The following NPAS3 variants were observed in gnomAD, a reference collection of about 807,000 sequenced individuals.
The protein encoded by NPAS3 is neuronal PAS domain-containing protein 3.
Under a neutral mutation model 73.1 loss-of-function variants are expected in NPAS3, and 14 were observed. The observed-to-expected ratio is 0.19, with a 90% CI of 0.13 to 0.30. The LOEUF (loss-of-function observed/expected upper bound fraction) is 0.30, where lower values mean the gene tolerates loss of function less well. Among genes scored for constraint, NPAS3 ranks in the 10% least tolerant of loss-of-function variants. The pLI is 1.00. For missense variants in NPAS3, 1,096 were observed against 1,250.0 expected, an observed-to-expected ratio of 0.88 and a Z score of 1.86; for synonymous variants, 620 against 541.5, an observed-to-expected ratio of 1.14 and a Z score of -2.01.
chr14:33,747,562 T>G (rs544131554), intron 7 of NPAS3, among the ~76,000 whole-genome samples: 2 of 152,190 alleles, frequency 1.3e-5, no homozygotes, highest in Non-Finnish European at 2.9e-5. Context: ...AAAAGAATCA[T>G]CTGTGTAATC....
At chr14:33,185,572 A>G (rs1414755255) in intron 2 of NPAS3, among the ~76,000 whole-genome samples, 2 of 152,078 alleles carry the variant, frequency 1.3e-5, no homozygotes, top group African/African-American at 2.4e-5. Flanking sequence ...GGTGGTAAGG[A>G]TTCTTGTTAT....
intron 4 of NPAS3, among the ~76,000 whole-genome samples, chr14:33,440,859 A>G (rs543525520): frequency 6.6e-6 from 1 of 151,818 alleles, no homozygotes; most frequent in Admixed American, 6.6e-5. Flanking sequence ...GCGCCACTGC[A>G]CTCCAACCTA....
At chr14:33,739,278 C>G (rs995537604) in intron 7 of NPAS3, among the ~76,000 whole-genome samples, 4 of 152,102 alleles carry the variant, frequency 2.6e-5, no homozygotes, top group African/African-American at 9.7e-5. Context: ...AAAATAGTCC[C>G]CCATCTGGGA....
chr14:33,471,433 A>G (rs2050776186), intron 4 of NPAS3, among the ~76,000 whole-genome samples: 1 of 152,162 alleles, frequency 6.6e-6, no homozygotes, highest in African/African-American at 2.4e-5. Context: ...TATGCTGAGG[A>G]TGTCACTGAT....
In NPAS3 at chr14:33,327,075, A is replaced by C. The variant is rs541873848; in HGVS notation, c.386-40111A>C. On this transcript the variant is annotated intron_variant, in intron 3 of 11. Coordinates refer to ENST00000356141, the Ensembl canonical transcript of NPAS3. ...TTCTGGGCAAGCTGATAGTAAATTGATGACATTTAAACATTGATAGCATTT... is the reference window on the plus strand; with the variant it reads ...TTCTGGGCAAGCTGATAGTAAATTGCTGACATTTAAACATTGATAGCATTT... Among the ~76,000 whole-genome samples, 13 of 152,352 alleles carry C rather than the reference A, an allele frequency of 8.5e-5. 1 individual carries two copies. In the South Asian group the frequency reaches 2.7e-3, roughly 32 times the overall value.
At chr14:33,677,060 G>A (rs914694541) in intron 6 of NPAS3, among the ~76,000 whole-genome samples, 1 of 152,122 alleles carries the variant, frequency 6.6e-6, no homozygotes, top group African/African-American at 2.4e-5. Context: ...AGTATTAGGG[G>A]AAAATCCATT....
intron 2 of NPAS3, among the ~76,000 whole-genome samples, chr14:33,072,888 T>C (rs2041534206): frequency 6.6e-6 from 1 of 152,202 alleles, no homozygotes. Context: ...TTGTGACCCA[T>C]ATTTTTGGTA....
intron 4 of NPAS3, among the ~76,000 whole-genome samples, chr14:33,473,174 A>T (rs778484877): frequency 1.3e-5 from 2 of 152,194 alleles, no homozygotes; most frequent in African/African-American, 4.8e-5. Context: ...GGAAACTGGG[A>T]AATTGGCAGA....
chr14:33,046,697 C>T (rs1018968206), intron 1 of NPAS3, among the ~76,000 whole-genome samples: 3 of 152,114 alleles, frequency 2.0e-5, no homozygotes, highest in Non-Finnish European at 2.9e-5. Flanking sequence ...AGTTAAGAGC[C>T]GGGAGCAGTG....
chr14:33,381,974 G>A (rs945427587), intron 4 of NPAS3, among the ~76,000 whole-genome samples: 2 of 152,048 alleles, frequency 1.3e-5, no homozygotes, highest in Non-Finnish European at 2.9e-5. Flanking sequence ...GGAGACTTGG[G>A]GCAGCCTGCA....
At chr14:33,502,378 T>C (rs954490882) in intron 4 of NPAS3, among the ~76,000 whole-genome samples, 3 of 151,888 alleles carry the variant, frequency 2.0e-5, no homozygotes, top group Admixed American at 2.0e-4. Context: ...TCTAGCTTCT[T>C]ACCCATCATC....
At chr14:33,621,183 AAAG>A (rs1444433824) in intron 5 of NPAS3, among the ~76,000 whole-genome samples, 3 of 152,168 alleles carry the variant, frequency 2.0e-5, no homozygotes, top group African/African-American at 2.4e-5. Flanking sequence ...AAAAAGATAA[AAAG>A]AAGAAGCCAT....
intron 1 of NPAS3, among the ~76,000 whole-genome samples, chr14:32,970,239 T>C (rs539244733): frequency 1.3e-5 from 2 of 152,200 alleles, no homozygotes; most frequent in Non-Finnish European, 2.9e-5. Context: ...ATCTGAAAAT[T>C]CTCAATTTTT....
intron 2 of NPAS3, among the ~76,000 whole-genome samples, chr14:33,072,920 A>G (rs190121460): frequency 1.0e-3 from 155 of 149,200 alleles, no homozygotes; most frequent in Non-Finnish European, 1.5e-3. Context: ...AGAAAAATAT[A>G]CATATATATA....
At chr14:33,460,258 C>T (rs574886363) in intron 4 of NPAS3, among the ~76,000 whole-genome samples, 2 of 152,294 alleles carry the variant, frequency 1.3e-5, no homozygotes, top group South Asian at 2.1e-4. Flanking sequence ...TGGAGTACAA[C>T]CTGGAGATCT....
chr14:33,148,080 C>T (rs2044312866), intron 2 of NPAS3, among the ~76,000 whole-genome samples: 1 of 152,000 alleles, frequency 6.6e-6, no homozygotes, highest in African/African-American at 2.4e-5. Flanking sequence ...ATTTCGTGCC[C>T]TTGCTACCTT....
At chr14:33,324,838 A>G (rs1245493378) in intron 3 of NPAS3, among the ~76,000 whole-genome samples, 2 of 152,226 alleles carry the variant, frequency 1.3e-5, no homozygotes, top group African/African-American at 4.8e-5. Context: ...ATTGAGAATA[A>G]TACAGATTCT....
chr14:33,199,705 C>A (rs1000369286), intron 2 of NPAS3, among the ~76,000 whole-genome samples: 1 of 136,490 alleles, frequency 7.3e-6, no homozygotes, highest in African/African-American at 2.7e-5. Context: ...CTGCCCTTTT[C>A]CCCTCCCCCT....
chr14:33,789,674 C>T (rs1472248530), intron 9 of NPAS3, among the ~76,000 whole-genome samples: 2 of 143,414 alleles, frequency 1.4e-5, no homozygotes, highest in Admixed American at 7.0e-5. Context: ...CTGCAAGCTC[C>T]GCCTCCCGGG....
Sources: allele counts gnomAD v4.1 joint callset (sites outside exome capture counted in the v4.1 genomes callset), GRCh38; gene constraint gnomAD v4.1.1; transcripts MANE v1.5; gene names NCBI Gene and HGNC (gene_info 2026-07-23, HGNC 2026-07-21).